Variants in RGS17 observed in about 807,000 individuals in gnomAD.
RGS17 encodes the protein regulator of G-protein signaling 17.
A neutral mutation model predicts 25.5 loss-of-function variants in RGS17; 12 were observed. The ratio of observed to expected loss-of-function variants is 0.47; its 90% confidence interval spans 0.30 to 0.76. RGS17 has a LOEUF of 0.76. Among genes scored for constraint, RGS17 ranks in the 30% least tolerant of loss-of-function variants. The pLI, the probability that RGS17 is intolerant of heterozygous loss-of-function variation, is 0.07. For synonymous variants in RGS17, 71 were observed against 76.9 expected (o/e 0.92, Z 0.40); for missense variants, 196 against 242.2 (o/e 0.81, Z 1.27).
chr6:153,104,543 A>C (rs1777351505), intron 1 of RGS17, among the ~76,000 whole-genome samples: 1 of 152,270 alleles, frequency 6.6e-6, no homozygotes. Context: ...TTGGATACAT[A>C]GGAAAAGCTG....
chr6:153,104,792 C>G (rs962785943), intron 1 of RGS17, among the ~76,000 whole-genome samples: 3 of 149,882 alleles, frequency 2.0e-5, no homozygotes, highest in Admixed American at 1.3e-4. Flanking sequence ...CACTGCACTC[C>G]AGCCTGGGCT....
At chr6:153,025,675 CATAT>C (rs1037862311) in intron 3 of RGS17, among the ~76,000 whole-genome samples, 1 of 139,326 alleles carries the variant, frequency 7.2e-6, no homozygotes, top group African/African-American at 2.7e-5. Flanking sequence ...TATATATAAA[CATAT>C]ATATAAACAT....
Position 153,130,565 on chromosome 6 carries a change from A to C in RGS17, c.-26+559T>G, listed in dbSNP as rs1777772252. On this transcript the variant is annotated intron_variant, in intron 1 of 4. Coordinates refer to ENST00000206262, the MANE Select transcript of RGS17 (RefSeq NM_012419.5). The surrounding 1 kb of genome is among the most constrained non-coding windows in gnomAD (Gnocchi z 6.4). ...TTCATTTTCGCAACCTCTTCTTCGA[A>C]CACCTTCCCCACCTGAGCAGTGCAT... Among the ~76,000 whole-genome samples the C allele has an allele frequency of 6.6e-6, 1 of 152,052 alleles. No individual in the cohort carries two copies. Among genetic ancestry groups the C allele is most frequent in the South Asian group, 2.1e-4 (1 of 4,818 alleles).
At chr6:153,063,821 A>G (rs1424344662) in intron 1 of RGS17, among the ~76,000 whole-genome samples, 1 of 152,214 alleles carries the variant, frequency 6.6e-6, no homozygotes, top group Non-Finnish European at 1.5e-5. Context: ...AAGGTCAAGG[A>G]TGAAGAAAGG....
chr6:153,032,493 C>T (rs1325657186), intron 2 of RGS17, among the ~76,000 whole-genome samples: 1 of 151,166 alleles, frequency 6.6e-6, no homozygotes, highest in Non-Finnish European at 1.5e-5. Flanking sequence ...GGCTGTGTTA[C>T]CTTTATAAAT....
chr6:153,097,627 A>C (rs1777237408), intron 1 of RGS17, among the ~76,000 whole-genome samples: 1 of 151,978 alleles, frequency 6.6e-6, no homozygotes, highest in Non-Finnish European at 1.5e-5. Flanking sequence ...TTGTAGACTG[A>C]ATTCATGCCT....
rs1554238185 is a variant in RGS17 at position 153,053,961 on chromosome 6, T to TGTATATATGTATATAATA, written c.-25-9919_-25-9918insTATTATATACATATATAC. The stretch of plus-strand genomic sequence containing the variant: ...TATATATAATATATATACATATATA[T>TGTATATATGTATATAATA]TATATACATATATATGTATATATGT... On this transcript the variant is annotated intron_variant, in intron 1 of 4. Transcript: ENST00000206262. 1.4e-4 allele frequency among the ~76,000 whole-genome samples: 4 copies of TGTATATATGTATATAATA among 28,008 alleles called. 2 individuals carry two copies. Among genetic ancestry groups the TGTATATATGTATATAATA allele is most frequent in the African/African-American group, 3.4e-4 (4 of 11,836 alleles). 18.4% of individuals were successfully genotyped at this position (28,008 alleles called of 152,430 possible). A position where few individuals can be genotyped will look rare whatever the true frequency, so the allele number is the denominator to read the frequency against.
At chr6:153,057,865 C>G (rs1031384645) in intron 1 of RGS17, among the ~76,000 whole-genome samples, 1 of 152,086 alleles carries the variant, frequency 6.6e-6, no homozygotes, top group Admixed American at 6.6e-5. Flanking sequence ...AGGATTCATG[C>G]TCCTATGGGA....
chr6:153,075,707 C>CA (rs562763777), intron 1 of RGS17, among the ~76,000 whole-genome samples: 19 of 151,930 alleles, frequency 1.3e-4, no homozygotes, highest in African/African-American at 4.1e-4. Context: ...GTGCATCTGT[C>CA]AAAAAAATGA....
At chr6:153,120,575 C>G (rs920559688) in intron 1 of RGS17, among the ~76,000 whole-genome samples, 16 of 152,150 alleles carry the variant, frequency 1.1e-4, no homozygotes, top group African/African-American at 3.1e-4. Context: ...GACCGCCCCC[C>G]TGCATGGACT....
chr6:153,036,386 C>G (rs1015895883), intron 2 of RGS17, among the ~76,000 whole-genome samples: 29 of 152,066 alleles, frequency 1.9e-4, no homozygotes, highest in Admixed American at 1.8e-3. Flanking sequence ...TTTCTCACAT[C>G]ACTTCTTCTC....
chr6:153,115,252 T>C (rs1458669006), intron 1 of RGS17, among the ~76,000 whole-genome samples: 1 of 152,152 alleles, frequency 6.6e-6, no homozygotes, highest in South Asian at 2.1e-4. Flanking sequence ...ACAAAATCAA[T>C]GTGCAAAAAT....
At chr6:153,050,959 C>CA (rs1190429305) in intron 1 of RGS17, among the ~76,000 whole-genome samples, 1 of 152,148 alleles carries the variant, frequency 6.6e-6, no homozygotes, top group East Asian at 1.9e-4. Context: ...GATTAGTGCT[C>CA]TTATAGGAAG....
chr6:153,105,956 C>A (rs9479508), intron 1 of RGS17, among the ~76,000 whole-genome samples: 11 of 151,982 alleles, frequency 7.2e-5, no homozygotes, highest in Admixed American at 7.2e-4. Context: ...AGAAGTGGAG[C>A]GAAATGGCAA....
chr6:153,058,867 A>G (rs920070932), intron 1 of RGS17, among the ~76,000 whole-genome samples: 41 of 151,230 alleles, frequency 2.7e-4, no homozygotes, highest in African/African-American at 3.4e-4. Context: ...GAGTAATACT[A>G]CTACTCCTGG....
intron 1 of RGS17, among the ~76,000 whole-genome samples, chr6:153,124,083 T>C (rs1777673758): frequency 6.6e-6 from 1 of 152,192 alleles, no homozygotes; most frequent in Non-Finnish European, 1.5e-5. Context: ...ACATTAGTTG[T>C]AGAGGCTCCT....
chr6:153,091,450 G>A (rs1221498071), intron 1 of RGS17, among the ~76,000 whole-genome samples: 1 of 151,886 alleles, frequency 6.6e-6, no homozygotes, highest in African/African-American at 2.4e-5. Context: ...GCAAAGATAT[G>A]ACACTTAACA....
At chr6:153,076,461 C>T (rs1465173039) in intron 1 of RGS17, among the ~76,000 whole-genome samples, 2 of 152,092 alleles carry the variant, frequency 1.3e-5, no homozygotes, top group African/African-American at 2.4e-5. Flanking sequence ...GTCTCAGAAG[C>T]AATGATACGG....
At chr6:153,043,758 T>G in intron 2 of RGS17, 142 bp downstream of exon 2, 3 of 569,008 alleles carry the variant, frequency 5.3e-6, no homozygotes, top group East Asian at 6.2e-5. Context: ...AAACCAATGA[T>G]AGTCTTCAAT....
Sources: allele counts gnomAD v4.1 joint callset (sites outside exome capture counted in the v4.1 genomes callset), GRCh38; gene constraint gnomAD v4.1.1; non-coding constraint Gnocchi (gnomAD v3.1); transcripts MANE v1.5; gene names NCBI Gene and HGNC (gene_info 2026-07-23, HGNC 2026-07-21).